Variants in DPP10 observed in about 807,000 individuals in gnomAD.
DPP10 encodes the protein dipeptidyl peptidase like 10, also known as inactive dipeptidyl peptidase 10.
Under a neutral mutation model 120.9 loss-of-function variants are expected in DPP10, and 33 were observed. The ratio of observed to expected loss-of-function variants is 0.27; its 90% confidence interval spans 0.21 to 0.37. The LOEUF is 0.37. Ranked by LOEUF, DPP10 falls within the 10% of genes least tolerant of loss-of-function variation. The pLI is 1.00. For missense variants in DPP10, 816 were observed against 942.8 expected (o/e 0.87, Z 1.76); for synonymous variants, 337 against 326.1 (o/e 1.03, Z -0.36).
At chr2:115,747,479 A>G (rs938748492) in intron 10 of DPP10, among the ~76,000 whole-genome samples, 3 of 152,052 alleles carry the variant, frequency 2.0e-5, no homozygotes, top group South Asian at 2.1e-4. Flanking sequence ...GTTTAATGCT[A>G]TGGAATAACA....
chr2:115,785,317 C>T (rs1040749006), intron 17 of DPP10, among the ~76,000 whole-genome samples: 1 of 152,160 alleles, frequency 6.6e-6, no homozygotes, highest in Admixed American at 6.5e-5. Flanking sequence ...GTGTTTCTGC[C>T]AGGTTTTGGT....
At chr2:114,785,749 T>G (rs1277065407) in intron 1 of DPP10, among the ~76,000 whole-genome samples, 1 of 152,142 alleles carries the variant, frequency 6.6e-6, no homozygotes, top group Non-Finnish European at 1.5e-5. Context: ...GCTGAAGACT[T>G]TGTACAATAG....
chr2:115,467,550 C>G (rs1352697354), intron 3 of DPP10, among the ~76,000 whole-genome samples: 1 of 151,720 alleles, frequency 6.6e-6, no homozygotes, highest in Non-Finnish European at 1.5e-5. Flanking sequence ...GCACTCCAGC[C>G]TAGGTGCCAA....
At position 114,493,363 on chromosome 2, in the gene DPP10, T is replaced by C. The variant is rs544857771; in HGVS notation, c.60+50525T>C. Among the ~76,000 whole-genome samples the C allele has an allele frequency of 3.6e-3, 551 of 152,208 alleles. 3 individuals are homozygous for C. The highest frequency in any genetic ancestry group is 0.013 in the African/African-American group (534 of 41,548). On this transcript the variant is annotated intron_variant, in intron 1 of 25. Coordinates refer to ENST00000410059, the MANE Select transcript of DPP10 (RefSeq NM_020868.6). ...TATAATTAAAGCAAAGCAGGTATAG[T>C]GGTTCCAAGAAGAAAAATTTCTTTC... is the stretch of plus-strand genomic sequence containing the variant.
At chr2:115,512,291 T>C (rs2077274259) in intron 4 of DPP10, among the ~76,000 whole-genome samples, 1 of 151,780 alleles carries the variant, frequency 6.6e-6, no homozygotes, top group African/African-American at 2.4e-5. Context: ...TGTTAGATTG[T>C]GTCATACTAT....
intron 5 of DPP10, 112 bp from the exon 6 acceptor site, chr2:115,689,575 C>T (rs2091193744): frequency 1.3e-6 from 1 of 742,258 alleles, no homozygotes; most frequent in African/African-American, 1.8e-5. Context: ...TTTATATTTT[C>T]ATTTCTGCCT....
intron 1 of DPP10, among the ~76,000 whole-genome samples, chr2:114,741,229 T>A (rs1442998447): frequency 6.6e-6 from 1 of 152,184 alleles, no homozygotes; most frequent in Non-Finnish European, 1.5e-5. Context: ...TGCATAACCT[T>A]TCTGTACCTT....
rs149735141 is a variant in DPP10, at chr2:115,666,693, A to G, written c.442-22994A>G. 3.4e-3 allele frequency among the ~76,000 whole-genome samples: 515 copies of G among 152,200 alleles called. 3 individuals are homozygous for G. The highest frequency in any genetic ancestry group is 0.012 in the African/African-American group (486 of 41,490). ...TTTAGGTTGATTCCACGACTTTGCT[A>G]TTGGGAATAGTGTTGTGATGAACAG... On this transcript the variant is annotated intron_variant, in intron 5 of 25. Transcript: ENST00000410059.
Position 115,560,445 on chromosome 2 carries a change from TAC to T in DPP10, c.441+34474_441+34475del, listed in dbSNP as rs1412630236. On this transcript the variant is annotated intron_variant, in intron 5 of 25. Coordinates refer to ENST00000410059, the MANE Select transcript of DPP10 (RefSeq NM_020868.6). Reference sequence around the variant, plus strand: ...ATATATATATATATATATATATATATACGACAAGCTACTGATTTAAGGGCAAG... The same window carrying T: ...ATATATATATATATATATATATATATGACAAGCTACTGATTTAAGGGCAAG... 1.4e-3 allele frequency among the ~76,000 whole-genome samples: 124 copies of T among 86,250 alleles called. 2 individuals are homozygous for T. Among genetic ancestry groups the T allele is most frequent in the African/African-American group, 5.6e-3 (115 of 20,406 alleles). The allele number at this position is 86,250 out of a possible 152,430, so 56.6% of individuals were successfully genotyped here.
Position 115,353,010 on chromosome 2 carries a change from C to CA in DPP10, c.271+9108dup, listed in dbSNP as rs71394130. On this transcript the variant is annotated intron_variant, in intron 3 of 25. Coordinates refer to ENST00000410059, the MANE Select transcript of DPP10 (RefSeq NM_020868.6). The stretch of plus-strand genomic sequence containing the variant: ...TATATACATGTACCACTGACATGTT[C>CA]AAAAAAAAAATATAATTATGGTACC... Among the ~76,000 whole-genome samples the CA allele has an allele frequency of 2.4e-3, 354 of 146,662 alleles. 2 individuals carry two copies. Among genetic ancestry groups the CA allele is most frequent in the African/African-American group, 8.4e-3 (337 of 39,968 alleles).
chr2:114,943,076 T>G (rs1697082426), intron 1 of DPP10, among the ~76,000 whole-genome samples: 1 of 152,022 alleles, frequency 6.6e-6, no homozygotes, highest in Non-Finnish European at 1.5e-5. Context: ...CAGGCCCAGG[T>G]GTGTGATGTT....
intron 1 of DPP10, among the ~76,000 whole-genome samples, chr2:115,179,890 A>T (rs1465258965): frequency 3.3e-5 from 5 of 152,180 alleles, no homozygotes; most frequent in Non-Finnish European, 5.9e-5. Context: ...CACAGAAGGA[A>T]TTTTTAGTTA....
At position 115,346,993 on chromosome 2, in the gene DPP10, G is replaced by T. The variant is rs117604485; in HGVS notation, c.271+3081G>T. ...CATTTTAACAGACCTCATTGCTGTC[G>T]TAGGGTGGAAAGGTATGAAAGCCTT... is the stretch of plus-strand genomic sequence containing the variant. On this transcript the variant is annotated intron_variant, in intron 3 of 25. Transcript: ENST00000410059. Among the ~76,000 whole-genome samples, 71 of 152,174 alleles carry T rather than the reference G, an allele frequency of 4.7e-4. 2 individuals carry two copies. The East Asian group carries it at 0.012, about 25-fold the overall frequency.
chr2:114,599,341 A>G (rs1306904756), intron 1 of DPP10, among the ~76,000 whole-genome samples: 1 of 151,794 alleles, frequency 6.6e-6, no homozygotes, highest in Non-Finnish European at 1.5e-5. Flanking sequence ...GCTATATTCT[A>G]TTTCTATTAC....
intron 5 of DPP10, among the ~76,000 whole-genome samples, chr2:115,664,839 A>AAGCCATAGCTGTAGTCGCCTATG (rs2089314724): frequency 6.6e-6 from 1 of 151,540 alleles, no homozygotes; most frequent in Non-Finnish European, 1.5e-5. Flanking sequence ...CCCATGTCTA[A>AAGCCATAGCTGTAGTCGCCTATG]GCTTTTGCTG....
intron 1 of DPP10, among the ~76,000 whole-genome samples, chr2:114,855,843 C>G (rs1232881952): frequency 6.6e-6 from 1 of 151,960 alleles, no homozygotes; most frequent in Non-Finnish European, 1.5e-5. Flanking sequence ...AGTGGGGTGC[C>G]CTGCTATCTT....
intron 1 of DPP10, among the ~76,000 whole-genome samples, chr2:114,666,872 GTAACTA>G (rs1697962494): frequency 3.3e-5 from 5 of 152,120 alleles, no homozygotes; most frequent in Admixed American, 2.6e-4. Flanking sequence ...TGTCTTAATC[GTAACTA>G]TATAATAACA....
chr2:115,129,548 T>C (rs952828567), intron 1 of DPP10, among the ~76,000 whole-genome samples: 6 of 152,238 alleles, frequency 3.9e-5, no homozygotes, highest in African/African-American at 1.4e-4. Context: ...AAGAATTTAA[T>C]ATATGCTTAA....
intron 3 of DPP10, among the ~76,000 whole-genome samples, chr2:115,457,934 A>T (rs1156858403): frequency 6.6e-6 from 1 of 152,156 alleles, no homozygotes; most frequent in Non-Finnish European, 1.5e-5. Flanking sequence ...GTAAGTGGAT[A>T]AAAATGTATA....
Sources: gnomAD v4.1 joint callset for allele counts (sites outside exome capture counted in the v4.1 genomes callset) on GRCh38, gnomAD v4.1.1 for gene constraint, MANE v1.5 for transcripts, NCBI Gene and HGNC (gene_info 2026-07-23, HGNC 2026-07-21) for gene names.